ZNF777: variants seen among roughly 807,000 people sequenced by gnomAD.
ZNF777 encodes the protein zinc finger protein 777.
In ZNF777, 7 loss-of-function variants were observed where a neutral mutation model predicts 72.1. The ratio of observed to expected loss-of-function variants is 0.10; its 90% CI spans 0.06 to 0.18. ZNF777 has a LOEUF of 0.18. ZNF777 is among the 10% of genes least tolerant of loss of function. ZNF777 has a pLI of 1.00. For synonymous variants in ZNF777, 545 were observed against 483.5 expected (o/e 1.13, Z -1.67); for missense variants, 828 against 1,128.6 (o/e 0.73, Z 3.82).
In ZNF777 at chr7:149,454,010, T is replaced by C. The variant is rs117242587; in HGVS notation, c.973+101A>G. ...TCTCTACAACTCTGTTCTCCTTGCTTGCAACTATTGGCTCTGCTGGGGTTC... is the reference window on the plus strand; with the variant it reads ...TCTCTACAACTCTGTTCTCCTTGCTCGCAACTATTGGCTCTGCTGGGGTTC... On this transcript the variant is annotated intron_variant, in intron 3 of 5. Transcript: ENST00000247930. 5.3e-3 allele frequency: 8,117 copies of C among 1,525,398 alleles called. 37 individuals are homozygous for C. The highest frequency in any genetic ancestry group is 6.3e-3 in the Non-Finnish European group (7,110 of 1,125,308). The allele number at this position is 1,525,398 out of a possible 1,614,324, so 94.5% of individuals were successfully genotyped here.
intron 4 of ZNF777, among the ~76,000 whole-genome samples, chr7:149,449,523 C>T (rs976091078): frequency 1.3e-5 from 2 of 152,240 alleles, no homozygotes; most frequent in Non-Finnish European, 2.9e-5. Context: ...ACCTGAACCG[C>T]AAGGCCCCGT....
rs1179990321 is a variant in ZNF777 at position 149,438,771 on chromosome 7, C to T, written c.1088-1945G>A. Among the ~76,000 whole-genome samples, 3 of 152,168 alleles carry T rather than the reference C, an allele frequency of 2.0e-5. No individual in the cohort carries two copies. The East Asian group carries it at 5.8e-4, about 29-fold the overall frequency. On this transcript the variant is annotated intron_variant, in intron 4 of 5. Coordinates refer to ENST00000247930, the MANE Select transcript of ZNF777 (RefSeq NM_015694.3). ...TTACTAAGAAATCAGACAAACTCAT[C>T]AGGCTGAAAATGGGTGCTAGATGAC...
intron 3 of ZNF777, among the ~76,000 whole-genome samples, chr7:149,452,649 AG>A (rs1278780107): frequency 6.6e-6 from 1 of 150,746 alleles, no homozygotes; most frequent in Non-Finnish European, 1.5e-5. Flanking sequence ...AAAAAAAAAA[AG>A]TAAATAAATA....
intron 1 of ZNF777, among the ~76,000 whole-genome samples, chr7:149,457,271 C>CA (rs1799851652): frequency 6.6e-6 from 1 of 152,244 alleles, no homozygotes; most frequent in Admixed American, 6.5e-5. Context: ...CCTAGATCAT[C>CA]AGTATCTTTA....
rs778279900 is a variant in ZNF777, at chr7:149,431,501, T to C, written c.*275A>G. On this transcript the variant is annotated 3_prime_UTR_variant, in exon 6 of 6. Coordinates refer to ENST00000247930, the MANE Select transcript of ZNF777 (RefSeq NM_015694.3). ...GGCCAAATCACGCCCCCCGTGCTGA[T>C]TGGTTTCATCCATTTTATTGTCAAG... 5 of 452,230 alleles carry C rather than the reference T, an allele frequency of 1.1e-5. No homozygotes were observed. The highest frequency in any genetic ancestry group is 1.8e-5 in the Non-Finnish European group (4 of 225,918). The allele number at this position is 452,230 out of a possible 1,614,324, so 28.0% of individuals were successfully genotyped here.
intron 4 of ZNF777, among the ~76,000 whole-genome samples, chr7:149,442,123 A>AG (rs1321675091): frequency 6.6e-6 from 1 of 151,026 alleles, no homozygotes; most frequent in Admixed American, 6.6e-5. Context: ...AGGCTAAGGC[A>AG]GGAGAATCGC....
At chr7:149,447,356 G>A (rs1799622903) in intron 4 of ZNF777, among the ~76,000 whole-genome samples, 1 of 152,126 alleles carries the variant, frequency 6.6e-6, no homozygotes, top group African/African-American at 2.4e-5. Context: ...CCTTTATTCA[G>A]CTGCTTTCTC....
chr7:149,451,145 G>T, intron 3 of ZNF777, 33 bp from the exon 4 acceptor site: 1 of 1,584,692 alleles, frequency 6.3e-7, no homozygotes. Flanking sequence ...AATATGCTCT[G>T]GGATGAGGTT....
Position 149,440,665 on chromosome 7 carries a change from G to GTTTTTTT in ZNF777, c.1088-3846_1088-3840dup, listed in dbSNP as rs199888410. The stretch of plus-strand genomic sequence containing the variant: ...GAGCCACCATGCCCAGCAGCCTGTT[G>GTTTTTTT]TTTTTTTGTTTTTTTTTTTTTTTTT... On this transcript the variant is annotated intron_variant, in intron 4 of 5. Coordinates refer to ENST00000247930, the MANE Select transcript of ZNF777 (RefSeq NM_015694.3). 3.4e-5 allele frequency among the ~76,000 whole-genome samples: 3 copies of GTTTTTTT among 88,396 alleles called. 1 individual carries two copies. The highest frequency in any genetic ancestry group is 5.3e-5 in the African/African-American group (1 of 18,722). 58.0% of individuals were successfully genotyped at this position (88,396 alleles called of 152,430 possible).
chr7:149,451,653 T>G (rs1402800861), intron 3 of ZNF777, among the ~76,000 whole-genome samples: 5 of 151,716 alleles, frequency 3.3e-5, no homozygotes, highest in African/African-American at 7.3e-5. Flanking sequence ...GATCACACAC[T>G]GCACTCCAGC....
chr7:149,455,469 C>T lies in ZNF777; in HGVS notation c.554G>A (p.Arg185His), dbSNP rs780477422. The change falls in exon 2 of 6, where the codon CGC becomes CAC. Residue 185 changes from arginine (R) to histidine (H), a missense_variant. Transcript: ENST00000247930. The surrounding 1 kb of genome is among the most constrained non-coding windows in gnomAD (Gnocchi z 4.2). The stretch of plus-strand genomic sequence containing the variant: ...TTGGACGGCAGCCCACACAGCCAAG[C>T]GGGTGATCTCTGCCGTGGGGAGCGG... ...EQPLPTAEIT[R>H]LAVWAAVQAV... The T allele has an allele frequency of 1.1e-5, 17 of 1,614,014 alleles. No homozygotes were observed. The highest frequency in any genetic ancestry group is 1.6e-4 in the Middle Eastern group (1 of 6,084).
intron 4 of ZNF777, among the ~76,000 whole-genome samples, chr7:149,447,797 G>A (rs1469372250): frequency 2.0e-5 from 3 of 152,146 alleles, no homozygotes; most frequent in Non-Finnish European, 2.9e-5. Flanking sequence ...CTTCCCTGTC[G>A]TGTGTCTCGC....
intron 3 of ZNF777, 54 bp downstream of exon 3, chr7:149,454,057 T>A: frequency 6.2e-7 from 1 of 1,608,046 alleles, no homozygotes; most frequent in Non-Finnish European, 8.5e-7. Context: ...AGTTTATGAA[T>A]GCACTTTGAG....
intron 2 of ZNF777, 28 bp from the exon 3 acceptor site, chr7:149,454,265 A>G: frequency 6.2e-7 from 1 of 1,613,138 alleles, no homozygotes; most frequent in Non-Finnish European, 8.5e-7. Flanking sequence ...CTCGGCTCAG[A>G]CCCGCTGGAA....
At chr7:149,451,447 T>A (rs547731744) in intron 3 of ZNF777, among the ~76,000 whole-genome samples, 1 of 152,122 alleles carries the variant, frequency 6.6e-6, no homozygotes, top group South Asian at 2.1e-4. Context: ...TCCCAGCACA[T>A]TGGGAGGCTG....
At position 149,436,148 on chromosome 7, in the gene ZNF777, TG is replaced by T. The variant is rs1369093431; in HGVS notation, c.1339+426del. Among the ~76,000 whole-genome samples, 5 of 152,190 alleles carry T rather than the reference TG, an allele frequency of 3.3e-5. No homozygotes were observed. The highest frequency in any genetic ancestry group is 7.3e-5 in the Non-Finnish European group (5 of 68,032). On this transcript the variant is annotated intron_variant, in intron 5 of 5. Transcript: ENST00000247930. The surrounding 1 kb of genome is among the most constrained non-coding windows in gnomAD (Gnocchi z 5.0). ...ACTAGGTTCGACCACAGAATGCCGG[TG>T]CTATTGTTATTTGAAAACCATGCTC...
chr7:149,446,770 A>C (rs1439470132), intron 4 of ZNF777, among the ~76,000 whole-genome samples: 4 of 151,870 alleles, frequency 2.6e-5, no homozygotes, highest in Admixed American at 1.3e-4. Context: ...GACTGTCAGC[A>C]CCTGCCATCT....
At position 149,431,445 on chromosome 7, in the gene ZNF777, G is replaced by A. The variant is rs1420270097; in HGVS notation, c.*331C>T. Reference sequence around the variant, plus strand: ...TATAAAGTTCTATCCCCAACTAGATGGGCCCTACACCGCCCCTCTGAGTGG... The same window carrying A: ...TATAAAGTTCTATCCCCAACTAGATAGGCCCTACACCGCCCCTCTGAGTGG... On this transcript the variant is annotated 3_prime_UTR_variant, in exon 6 of 6. Coordinates refer to ENST00000247930, the MANE Select transcript of ZNF777 (RefSeq NM_015694.3). The A allele has an allele frequency of 2.3e-6, 1 of 438,956 alleles. No individual in the cohort carries two copies. Among genetic ancestry groups the A allele is most frequent in the East Asian group, 8.0e-5 (1 of 12,440 alleles). The allele number at this position is 438,956 out of a possible 1,614,324, so 27.2% of individuals were successfully genotyped here. A position where few individuals can be genotyped will look rare whatever the true frequency, so the allele number is the denominator to read the frequency against.
chr7:149,440,501 G>A (rs185630735), intron 4 of ZNF777, among the ~76,000 whole-genome samples: 1 of 151,970 alleles, frequency 6.6e-6, no homozygotes, highest in African/African-American at 2.4e-5. Context: ...GGGTCTACAG[G>A]CAAGTGCTAC....
Sources: gnomAD v4.1 joint callset for allele counts (sites outside exome capture counted in the v4.1 genomes callset) on GRCh38, gnomAD v4.1.1 for gene constraint, Gnocchi (gnomAD v3.1) non-coding constraint, MANE v1.5 for transcripts, NCBI Gene and HGNC (gene_info 2026-07-23, HGNC 2026-07-21) for gene names.